The following GRAMD2A variants were observed in gnomAD, a reference collection of about 807,000 sequenced individuals.
GRAMD2A encodes GRAM domain-containing protein 2A.
A neutral mutation model predicts 51.1 loss-of-function variants in GRAMD2A; 37 were observed. The ratio of observed to expected loss-of-function variants is 0.72; its 90% CI spans 0.56 to 0.95. The LOEUF is 0.95. Among genes scored for constraint, GRAMD2A ranks in the 40% least tolerant of loss-of-function variants. The pLI is 0.00. For missense variants in GRAMD2A, 414 were observed against 426.9 expected (o/e 0.97, Z 0.27); for synonymous variants, 136 against 157.1 (o/e 0.87, Z 1.01).
chr15:72,178,735 C>T (rs982897043), intron 1 of GRAMD2A, among the ~76,000 whole-genome samples: 7 of 151,826 alleles, frequency 4.6e-5, no homozygotes, highest in East Asian at 3.9e-4. Flanking sequence ...CCACCACGCC[C>T]GGCTAATTTT....
In GRAMD2A at chr15:72,167,076, A is replaced by C. The variant is rs933863241; in HGVS notation, c.389T>G (p.Val130Gly). The change falls in exon 6 of 12, where the codon GTG becomes GGG. Residue 130 changes from valine to glycine, a missense_variant. Transcript: ENST00000309731. The part of the protein sequence containing the change: ...GKDIKVVIPV[V>G]SVQMIKKHKM... ...GTGTTTTTTGATCATTTGCACAGAC[A>C]CCACAGGAATGACCACCTGAGAGGG... is the stretch of plus-strand genomic sequence containing the variant. 1.2e-6 allele frequency: 2 copies of C among 1,613,570 alleles called. No individual in the cohort carries two copies. Among genetic ancestry groups the C allele is most frequent in the Non-Finnish European group, 1.7e-6 (2 of 1,179,662 alleles).
chr15:72,195,201 G>C (rs2081795994), intron 1 of GRAMD2A, among the ~76,000 whole-genome samples: 1 of 152,186 alleles, frequency 6.6e-6, no homozygotes, highest in South Asian at 2.1e-4. Flanking sequence ...CTAGTTAGGA[G>C]AATCACTGGA....
In GRAMD2A at chr15:72,195,776, C is replaced by T. The variant is rs185449210; in HGVS notation, c.41+1955G>A. ...CTCTACTAAAAAATACAAAATTAGC[C>T]GGGTGTGGTGGCGCATGCCTGTAAT... On this transcript the variant is annotated intron_variant, in intron 1 of 11. Transcript: ENST00000309731. 3.6e-3 allele frequency among the ~76,000 whole-genome samples: 540 copies of T among 151,834 alleles called. 4 individuals are homozygous for T. Among genetic ancestry groups the T allele is most frequent in the African/African-American group, 0.012 (510 of 41,388 alleles).
At chr15:72,177,060 AG>A (rs1260014153) in intron 1 of GRAMD2A, among the ~76,000 whole-genome samples, 1 of 150,174 alleles carries the variant, frequency 6.7e-6, no homozygotes, top group Admixed American at 6.6e-5. Context: ...TATAGAGATA[AG>A]GTCTTGCTCT....
chr15:72,169,811 T>C, intron 2 of GRAMD2A, 36 bp downstream of exon 2: 1 of 1,519,522 alleles, frequency 6.6e-7, no homozygotes, highest in Non-Finnish European at 9.1e-7. Context: ...CACCCTCTAG[T>C]CTGTGTGTAT....
chr15:72,167,712 G>A, intron 5 of GRAMD2A, 24 bp downstream of exon 5: 1 of 1,559,116 alleles, frequency 6.4e-7, no homozygotes, highest in Non-Finnish European at 8.8e-7. Flanking sequence ...CAGGGTCATG[G>A]CAGCCCTCAC....
intron 1 of GRAMD2A, among the ~76,000 whole-genome samples, chr15:72,182,362 C>CA (rs36075463): frequency 0.17 from 7,091 of 42,808 alleles, 375 homozygotes; most frequent in African/African-American, 0.19. Flanking sequence ...GAGACTGTCT[C>CA]AAAAAAAAAA....
At chr15:72,182,980 C>T (rs933606509) in intron 1 of GRAMD2A, among the ~76,000 whole-genome samples, 5 of 152,130 alleles carry the variant, frequency 3.3e-5, no homozygotes, top group African/African-American at 1.2e-4. Context: ...TTAGGTGATC[C>T]TCCCACCTCA....
rs1222949280 is a variant in GRAMD2A at position 72,161,819 on chromosome 15, T to C, written c.*190A>G. On this transcript the variant is annotated 3_prime_UTR_variant, in exon 12 of 12. Transcript: ENST00000309731. The stretch of plus-strand genomic sequence containing the variant: ...CAAAAATTGTAGAAGCCAGTTACTT[T>C]GTAAACACGTACTTCAGATCTCTCA... 10 of 618,514 alleles carry C rather than the reference T, an allele frequency of 1.6e-5. No homozygotes were observed. Among genetic ancestry groups the C allele is most frequent in the Non-Finnish European group, 2.8e-5 (10 of 351,094 alleles). 38.3% of individuals were successfully genotyped at this position (618,514 alleles called of 1,614,324 possible). A position where few individuals can be genotyped will look rare whatever the true frequency, so the allele number is the denominator to read the frequency against.
At chr15:72,169,147 T>C (rs2081581535) in intron 2 of GRAMD2A, 151 bp from the exon 3 acceptor site, 2 of 691,840 alleles carry the variant, frequency 2.9e-6, no homozygotes, top group African/African-American at 3.5e-5. Flanking sequence ...AAATGACAAG[T>C]ACAGCGAGCA....
Position 72,168,445 on chromosome 15 carries a change from C to T in GRAMD2A, c.268+46G>A, listed in dbSNP as rs1184862310. On this transcript the variant is annotated intron_variant, in intron 4 of 11. Coordinates refer to ENST00000309731, the MANE Select transcript of GRAMD2A (RefSeq NM_001012642.3). Reference sequence around the variant, plus strand: ...GGCTCCAGAGCAGAGGCCCCTGGCCCCAGGCACTCTGGGTGCCTAACCAGC... The same window carrying T: ...GGCTCCAGAGCAGAGGCCCCTGGCCTCAGGCACTCTGGGTGCCTAACCAGC... 8.4e-6 allele frequency: 12 copies of T among 1,426,658 alleles called. No individual in the cohort carries two copies. The East Asian group carries it at 1.1e-4, about 13-fold the overall frequency. 88.4% of individuals were successfully genotyped at this position (1,426,658 alleles called of 1,614,324 possible).
chr15:72,175,005 C>T (rs1596689401), intron 1 of GRAMD2A, among the ~76,000 whole-genome samples: 3 of 152,246 alleles, frequency 2.0e-5, no homozygotes, highest in African/African-American at 7.2e-5. Flanking sequence ...AGCTTCACCC[C>T]CTGCCATCTA....
chr15:72,163,826 C>T, intron 8 of GRAMD2A, 69 bp from the exon 9 acceptor site: 1 of 1,514,422 alleles, frequency 6.6e-7, no homozygotes, highest in Non-Finnish European at 8.9e-7. Flanking sequence ...GGAGCCCACA[C>T]CAGGTTTATC....
At chr15:72,197,698 C>T in intron 1 of GRAMD2A, 33 bp downstream of exon 1, 1 of 1,299,566 alleles carries the variant, frequency 7.7e-7, no homozygotes, top group Non-Finnish European at 9.8e-7. Flanking sequence ...CTCCGGAACC[C>T]CCGAGACCGG....
At chr15:72,176,588 CA>C in intron 1 of GRAMD2A, 1 of 152,594 alleles carries the variant, frequency 6.6e-6, no homozygotes, top group Non-Finnish European at 1.5e-5. Context: ...CAGGCCCCGA[CA>C]GTACAAACCC....
rs754332296 is a variant in GRAMD2A, at chr15:72,162,280, C to G, written c.1054G>C (p.Gly352Arg). Residue 352 changes from glycine to arginine, a missense_variant, in exon 11 of 12, where the codon GGG becomes CGG. Transcript: ENST00000309731. ...AAAGAGAAAAGGCCTCACCTGTGCC[C>G]AGGGACTGGGTCATCCCAACTCAAG... ...CSLSWDDPVP[G>R]HR 1 of 1,611,556 alleles carries G rather than the reference C, an allele frequency of 6.2e-7. No individual in the cohort carries two copies. The highest frequency in any genetic ancestry group is 2.2e-5 in the East Asian group (1 of 44,864).
chr15:72,190,332 T>C (rs1006430177), intron 1 of GRAMD2A, among the ~76,000 whole-genome samples: 1 of 152,064 alleles, frequency 6.6e-6, no homozygotes, highest in African/African-American at 2.4e-5. Context: ...TGAGCCGAGA[T>C]TGCACCACTG....
intron 1 of GRAMD2A, among the ~76,000 whole-genome samples, chr15:72,185,812 A>G (rs1308908561): frequency 2.0e-5 from 3 of 152,264 alleles, no homozygotes; most frequent in African/African-American, 4.8e-5. Context: ...GAGTTGTCCA[A>G]TAAATGATAT....
Position 72,161,049 on chromosome 15 carries a change from C to T in GRAMD2A, c.*960G>A, listed in dbSNP as rs1164468648. On this transcript the variant is annotated 3_prime_UTR_variant, in exon 12 of 12. Transcript: ENST00000309731. ...ATCACACGCAACTGTCCAGACAAGC[C>T]CCCCTCAACGGGCTGCTGTTGGCCA... The T allele has an allele frequency of 2.6e-5, 4 of 152,308 alleles. No individual in the cohort carries two copies. The highest frequency in any genetic ancestry group is 4.8e-5 in the African/African-American group (2 of 41,468). The allele number at this position is 152,308 out of a possible 1,614,324, so 9.4% of individuals were successfully genotyped here.
Sources: gnomAD v4.1 joint callset for allele counts (sites outside exome capture counted in the v4.1 genomes callset) on GRCh38, gnomAD v4.1.1 for gene constraint, MANE v1.5 for transcripts, NCBI Gene and HGNC (gene_info 2026-07-23, HGNC 2026-07-21) for gene names.